DMD: variants seen among roughly 807,000 people sequenced by gnomAD.
The protein encoded by DMD is mutant dystrophin.
Under a neutral mutation model 330.1 loss-of-function variants are expected in DMD, and 63 were observed. The ratio of observed to expected loss-of-function variants is 0.19; its 90% CI spans 0.16 to 0.24. The LOEUF (loss-of-function observed/expected upper bound fraction) is 0.24, where lower values mean the gene tolerates loss of function less well. Ranked by LOEUF, DMD falls within the 10% of genes least tolerant of loss-of-function variation. DMD has a pLI of 1.00. For missense variants in DMD, 3,344 were observed against 2,684.1 expected (o/e 1.25, Z -5.43); for synonymous variants, 1,223 against 959.8 (o/e 1.27, Z -5.07).
At chrX:32,756,086 T>C (rs1223192646) in intron 7 of DMD, 1 of 112,388 alleles carries the variant, frequency 8.9e-6, no homozygotes, top group Non-Finnish European at 1.9e-5. Context: ...TTAAGCAGCA[T>C]TAAGCGCATA....
At chrX:31,504,301 C>G (rs752689554) in intron 56 of DMD, among the ~76,000 whole-genome samples, 25 of 111,442 alleles carry the variant, frequency 2.2e-4, no homozygotes, top group Non-Finnish European at 4.2e-4. Flanking sequence ...TTTGGAAGCA[C>G]AAGGATATCT....
Position 32,218,218 on chromosome X carries a change from G to A in DMD, c.6291-1155C>T, listed in dbSNP as rs762391634. Among the ~76,000 whole-genome samples, 16 of 111,725 alleles carry A rather than the reference G, an allele frequency of 1.4e-4. No homozygotes were observed. In the South Asian group the frequency reaches 6.0e-3, roughly 42 times the overall value. ...ACAGTGATCCTGGGGCTCCATTCCA[G>A]ACCAACTTAATCAGTATTTCTGGAG... On this transcript the variant is annotated intron_variant, in intron 43 of 78. Transcript: ENST00000357033.
At chrX:32,466,810 T>G (rs1002981534) in intron 23 of DMD, among the ~76,000 whole-genome samples, 4 of 111,838 alleles carry the variant, frequency 3.6e-5, no homozygotes, top group African/African-American at 1.3e-4. Flanking sequence ...ACAGACTCTG[T>G]CGCAAAGCCT....
chrX:31,282,628 C>T (rs73464379), intron 62 of DMD, among the ~76,000 whole-genome samples: 1,305 of 111,446 alleles, frequency 0.012, 18 homozygotes, highest in African/African-American at 0.04. Flanking sequence ...GCTCTACTTA[C>T]GTTAGCTTTT....
intron 44 of DMD, among the ~76,000 whole-genome samples, chrX:32,042,058 T>C (rs2096010216): frequency 1.2e-5 from 1 of 82,223 alleles, no homozygotes; most frequent in Admixed American, 1.3e-4. Flanking sequence ...TATATATATA[T>C]ATATATATGT....
chrX:32,749,445 A>G (rs1162874497), intron 7 of DMD, among the ~76,000 whole-genome samples: 1 of 112,422 alleles, frequency 8.9e-6, no homozygotes, highest in Non-Finnish European at 1.9e-5. Flanking sequence ...CAACCTGAGT[A>G]CAATAATGAT....
At chrX:31,453,502 G>A (rs1460663485) in intron 59 of DMD, among the ~76,000 whole-genome samples, 1 of 110,132 alleles carries the variant, frequency 9.1e-6, no homozygotes, top group Non-Finnish European at 1.9e-5. Context: ...AGTTTTGCAA[G>A]ATGAGAAGAG....
chrX:32,889,001 A>G (rs1167918375), intron 2 of DMD, among the ~76,000 whole-genome samples: 1 of 109,741 alleles, frequency 9.1e-6, no homozygotes, highest in African/African-American at 3.3e-5. Flanking sequence ...CCTGGACTGG[A>G]TGGAGAATGT....
chrX:32,894,132 T>C lies in DMD; in HGVS notation c.94-44312A>G, dbSNP rs1352591728. 2.7e-5 allele frequency among the ~76,000 whole-genome samples: 3 copies of C among 111,859 alleles called. No individual in the cohort carries two copies. In the East Asian group the frequency reaches 8.5e-4, roughly 32 times the overall value. On this transcript the variant is annotated intron_variant, in intron 2 of 78. Transcript: ENST00000357033. ...TGAGAATTAATGCTATTTAAAACCA[T>C]TAAGTTGGAGGTAATGATTATTACT... is the stretch of plus-strand genomic sequence containing the variant.
intron 55 of DMD, among the ~76,000 whole-genome samples, chrX:31,547,267 T>C (rs754655397): frequency 2.7e-5 from 3 of 112,257 alleles, no homozygotes; most frequent in Non-Finnish European, 5.6e-5. Flanking sequence ...CACATGGTCT[T>C]ATTAAAAATG....
chrX:31,177,921 A>G lies in DMD; in HGVS notation c.10262+11T>C. On this transcript the variant is annotated intron_variant, in intron 71 of 78. Transcript: ENST00000357033. The stretch of plus-strand genomic sequence containing the variant: ...GTGGTAGCAGCACCCTTCAGCAAAA[A>G]AAGTACTCACGCAGAATCTACTGGC... The G allele has an allele frequency of 8.3e-7, 1 of 1,203,019 alleles. No homozygotes were observed.
intron 59 of DMD, among the ~76,000 whole-genome samples, chrX:31,446,902 G>A (rs1313173411): frequency 9.0e-6 from 1 of 111,598 alleles, no homozygotes; most frequent in African/African-American, 3.3e-5. Flanking sequence ...CAAGCCAGCA[G>A]GCAGCATCTT....
rs2094862905 is a variant in DMD, at chrX:31,932,141, G to C, written c.6701C>G (p.Ala2234Gly). 3 of 1,204,216 alleles carry C rather than the reference G, an allele frequency of 2.5e-6. No individual in the cohort carries two copies. Among genetic ancestry groups the C allele is most frequent in the Non-Finnish European group, 3.4e-6 (3 of 888,798 alleles). Residue 2234 changes from alanine to glycine, a missense_variant, in exon 46 of 79, where the codon GCT (alanine) becomes GGT (glycine). Ala to Gly is a moderately conservative substitution (Grantham distance 60). Coordinates refer to ENST00000357033, the MANE Select transcript of DMD (RefSeq NM_004006.3). ...TTTTCCAGGTTCAAGTGGGATACTA[G>C]CAATGTTATCTGCTTCCTCCAACCA... is the stretch of plus-strand genomic sequence containing the variant. ...VLWLEEADNI[A>G]SIPLEPGKEQ...
Position 32,821,582 on chromosome X carries a change from T to C in DMD, c.357+1713A>G, listed in dbSNP as rs1476802187. ...CAGCCTGGGCGACAGAGCAAGACTC[T>C]GTCTCAAAATAAAAATAAAAAAAAA... On this transcript the variant is annotated intron_variant, in intron 5 of 78. Coordinates refer to ENST00000357033, the MANE Select transcript of DMD (RefSeq NM_004006.3). Among the ~76,000 whole-genome samples, 5 of 107,971 alleles carry C rather than the reference T, an allele frequency of 4.6e-5. No homozygotes were observed. The Middle Eastern group carries it at 0.014, about 306-fold the overall frequency. 93.8% of individuals were successfully genotyped at this position (107,971 alleles called of 115,157 possible).
Position 31,954,331 on chromosome X carries a change from C to T in DMD, c.6614+14008G>A, listed in dbSNP as rs1428855432. Among the ~76,000 whole-genome samples, 3 of 111,561 alleles carry T rather than the reference C, an allele frequency of 2.7e-5. No homozygotes were observed. The Admixed American group carries it at 2.9e-4, about 11-fold the overall frequency. On this transcript the variant is annotated intron_variant, in intron 45 of 78. Coordinates refer to ENST00000357033, the MANE Select transcript of DMD (RefSeq NM_004006.3). The stretch of plus-strand genomic sequence containing the variant: ...TTTTTTTTATACCCATCCAGTTCTT[C>T]ACAATCTTTCAACCTCTGAAACACT...
Position 31,766,518 on chromosome X carries a change from A to C in DMD, c.7542+7442T>G, listed in dbSNP as rs766875311. On this transcript the variant is annotated intron_variant, in intron 51 of 78. Coordinates refer to ENST00000357033, the MANE Select transcript of DMD (RefSeq NM_004006.3). ...GGTGATACACCCGCCTCAGCCTCCC[A>C]AAGTGCTGGGATTACAGGCGTGAGC... Among the ~76,000 whole-genome samples, 8 of 112,188 alleles carry C rather than the reference A, an allele frequency of 7.1e-5. No homozygotes were observed. The South Asian group carries it at 3.0e-3, about 42-fold the overall frequency.
chrX:32,638,513 G>A (rs960701951), intron 11 of DMD, among the ~76,000 whole-genome samples: 2 of 111,999 alleles, frequency 1.8e-5, no homozygotes, highest in African/African-American at 6.5e-5. Flanking sequence ...AATGAGAGCT[G>A]AGAGTCTGCA....
At chrX:31,997,285 T>C (rs747342783) in intron 44 of DMD, among the ~76,000 whole-genome samples, 1 of 111,519 alleles carries the variant, frequency 9.0e-6, no homozygotes, top group East Asian at 2.8e-4. Context: ...TTCTGCATAA[T>C]ATGAGGTTTA....
In DMD at chrX:32,870,980, A is replaced by AAAAAAAAAAAAAAAAAAG. The variant is rs770375159; in HGVS notation, c.94-21161_94-21160insCTTTTTTTTTTTTTTTTT. Among the ~76,000 whole-genome samples the AAAAAAAAAAAAAAAAAAG allele has an allele frequency of 1.4e-3, 52 of 37,230 alleles. 6 individuals carry two copies. Among genetic ancestry groups the AAAAAAAAAAAAAAAAAAG allele is most frequent in the Non-Finnish European group, 1.7e-3 (32 of 18,745 alleles). 32.3% of individuals were successfully genotyped at this position (37,230 alleles called of 115,157 possible). On this transcript the variant is annotated intron_variant, in intron 2 of 78. Transcript: ENST00000357033. Reference sequence around the variant, plus strand: ...CAGCAAAAAAAAAAAAAAAAAAAAAAAAAAAAAACCACAAAACCCATCATC... The same window carrying AAAAAAAAAAAAAAAAAAG: ...CAGCAAAAAAAAAAAAAAAAAAAAAAAAAAAAAAAAAAAAAAAGAAAAAAAACCACAAAACCCATCATC...
Sources: allele counts gnomAD v4.1 joint callset (sites outside exome capture counted in the v4.1 genomes callset), GRCh38; gene constraint gnomAD v4.1.1; transcripts MANE v1.5; gene names NCBI Gene and HGNC (gene_info 2026-07-23, HGNC 2026-07-21).